The following MAP3K19 variants were observed in gnomAD, a reference collection of about 807,000 sequenced individuals.
MAP3K19 encodes the protein mitogen-activated protein kinase kinase kinase 19, also known as SPS1/STE20-related protein kinase YSK4.
In MAP3K19, 91 loss-of-function variants were observed where a neutral mutation model predicts 114.4. The ratio of observed to expected loss-of-function variants is 0.80; its 90% CI spans 0.67 to 0.95. The LOEUF is 0.95. Ranked by LOEUF, MAP3K19 falls within the 40% of genes least tolerant of loss-of-function variation. MAP3K19 has a pLI of 0.00. For missense variants in MAP3K19, 1,471 were observed against 1,573.2 expected, an observed-to-expected ratio of 0.94 and a Z score of 1.10; for synonymous variants, 518 against 530.5, an observed-to-expected ratio of 0.98 and a Z score of 0.32.
Position 135,002,058 on chromosome 2 carries a change from A to C in MAP3K19, c.236-2043T>G, listed in dbSNP as rs150848525. Among the ~76,000 whole-genome samples the C allele has an allele frequency of 5.7e-3, 867 of 152,334 alleles. 7 individuals carry two copies. The highest frequency in any genetic ancestry group is 0.02 in the African/African-American group (811 of 41,582). On this transcript the variant is annotated intron_variant, in intron 6 of 12. Transcript: ENST00000392915. ...GTGAGTTGCTGACGTTGCTGTGGAT[A>C]AGGCCTCTCAAGCTACCCAGTAGGC...
chr2:135,042,130 G>A (rs1688657428), intron 1 of MAP3K19, among the ~76,000 whole-genome samples: 1 of 152,206 alleles, frequency 6.6e-6, no homozygotes, highest in African/African-American at 2.4e-5. Context: ...GTGATTAAGT[G>A]TCCATGTAAA....
chr2:134,996,239 G>A (rs974584968), intron 8 of MAP3K19, among the ~76,000 whole-genome samples: 3 of 151,090 alleles, frequency 2.0e-5, no homozygotes, highest in African/African-American at 4.9e-5. Context: ...GGTTACAGGC[G>A]TGTGCCTGTG....
At chr2:135,042,523 A>G (rs1688666619) in intron 1 of MAP3K19, among the ~76,000 whole-genome samples, 1 of 151,766 alleles carries the variant, frequency 6.6e-6, no homozygotes, top group Non-Finnish European at 1.5e-5. Flanking sequence ...AAAAAAAGAA[A>G]AAAGAAAATT....
At chr2:135,040,025 C>A (rs978164407) in intron 2 of MAP3K19, among the ~76,000 whole-genome samples, 13 of 152,166 alleles carry the variant, frequency 8.5e-5, no homozygotes, top group African/African-American at 2.7e-4. Flanking sequence ...TAGAGCAAAG[C>A]ATAAATTTCC....
At chr2:134,992,959 G>A (rs1217279838) in intron 8 of MAP3K19, among the ~76,000 whole-genome samples, 1 of 152,164 alleles carries the variant, frequency 6.6e-6, no homozygotes, top group East Asian at 1.9e-4. Context: ...GATTACAGGT[G>A]TGAGCCACCG....
At chr2:135,010,199 G>A (rs1292020815) in intron 5 of MAP3K19, among the ~76,000 whole-genome samples, 1 of 151,950 alleles carries the variant, frequency 6.6e-6, no homozygotes, top group Non-Finnish European at 1.5e-5. Context: ...AATAAAAGAT[G>A]TGTGATCCCT....
In MAP3K19 at chr2:135,021,835, C is replaced by G. The variant is rs1443188642; in HGVS notation, c.23-5G>C. ...GCAATGACTCAGCATGTCTTTCTAT[C>G]AAAAGAAACATAATAGTATGTTTTG... is the stretch of plus-strand genomic sequence containing the variant. On this transcript the variant is annotated splice_region_variant and splice_polypyrimidine_tract_variant and intron_variant, in intron 4 of 12. Coordinates refer to ENST00000392915, the MANE Select transcript of MAP3K19 (RefSeq NM_025052.5). 1.3e-6 allele frequency: 2 copies of G among 1,532,304 alleles called. No individual in the cohort carries two copies. Among genetic ancestry groups the G allele is most frequent in the Non-Finnish European group, 1.8e-6 (2 of 1,113,562 alleles). The allele number at this position is 1,532,304 out of a possible 1,614,324, so 94.9% of individuals were successfully genotyped here. A position where few individuals can be genotyped will look rare whatever the true frequency, so the allele number is the denominator to read the frequency against.
intron 9 of MAP3K19, among the ~76,000 whole-genome samples, chr2:134,988,521 G>C (rs143719348): frequency 0.012 from 1,792 of 152,180 alleles, 14 homozygotes; most frequent in Admixed American, 0.017. Context: ...CTCCCAAGTA[G>C]CTGGGACTGC....
At chr2:134,984,860 G>A (rs893428483) in intron 10 of MAP3K19, among the ~76,000 whole-genome samples, 8 of 152,292 alleles carry the variant, frequency 5.3e-5, no homozygotes, top group South Asian at 2.1e-4. Context: ...GCTGAGGCAG[G>A]AGAATCGCTT....
At chr2:135,024,847 T>C in intron 3 of MAP3K19, 106 bp from the exon 4 acceptor site, 1 of 532,888 alleles carries the variant, frequency 1.9e-6, no homozygotes, top group Non-Finnish European at 3.3e-6. Flanking sequence ...AAAAGTAATC[T>C]TATGTAGTTT....
At chr2:134,978,447 C>G (rs929964170) in intron 12 of MAP3K19, among the ~76,000 whole-genome samples, 1 of 151,998 alleles carries the variant, frequency 6.6e-6, no homozygotes, top group Non-Finnish European at 1.5e-5. Flanking sequence ...GTGATCCCCC[C>G]ACCTCGGCCT....
chr2:134,969,203 C>T (rs1265617971), intron 12 of MAP3K19, among the ~76,000 whole-genome samples: 1 of 152,078 alleles, frequency 6.6e-6, no homozygotes, highest in East Asian at 1.9e-4. Flanking sequence ...AATACGAAAA[C>T]CAGTCAGGTG....
rs555878404 is a variant in MAP3K19 at position 135,011,363 on chromosome 2, C to A, written c.139-5832G>T. 6.6e-5 allele frequency among the ~76,000 whole-genome samples: 10 copies of A among 151,520 alleles called. No homozygotes were observed. In the South Asian group the frequency reaches 2.1e-3, roughly 32 times the overall value. The stretch of plus-strand genomic sequence containing the variant: ...CCATCCTGGCTAACACGGAGAAACC[C>A]CGTCTCTACTAAAAATACAAAAAAT... On this transcript the variant is annotated intron_variant, in intron 5 of 12. Transcript: ENST00000392915.
intron 1 of MAP3K19, among the ~76,000 whole-genome samples, chr2:135,042,965 C>T (rs1688675331): frequency 6.6e-6 from 1 of 151,996 alleles, no homozygotes; most frequent in African/African-American, 2.4e-5. Context: ...CACCTGTAAT[C>T]CCAGCTACTC....
At chr2:135,024,995 A>T (rs573847214) in intron 3 of MAP3K19, among the ~76,000 whole-genome samples, 1 of 152,302 alleles carries the variant, frequency 6.6e-6, no homozygotes, top group Admixed American at 6.5e-5. Flanking sequence ...AGAATTCCCA[A>T]CTTTGGACAA....
intron 1 of MAP3K19, among the ~76,000 whole-genome samples, chr2:135,042,269 G>C (rs1418483673): frequency 1.3e-5 from 2 of 152,108 alleles, no homozygotes; most frequent in Non-Finnish European, 2.9e-5. Flanking sequence ...TTGGGAGGCC[G>C]AGGCGGGCGG....
chr2:135,010,019 G>A (rs764205045), intron 5 of MAP3K19, among the ~76,000 whole-genome samples: 2 of 151,824 alleles, frequency 1.3e-5, no homozygotes, highest in Non-Finnish European at 2.9e-5. Flanking sequence ...TTTACACCCA[G>A]ACTGTGAAAT....
chr2:134,968,975 G>T (rs1258217081), intron 12 of MAP3K19, among the ~76,000 whole-genome samples: 1 of 152,186 alleles, frequency 6.6e-6, no homozygotes, highest in Non-Finnish European at 1.5e-5. Context: ...TGCAATCTGG[G>T]CATTTTGGGA....
intron 2 of MAP3K19, among the ~76,000 whole-genome samples, chr2:135,035,805 A>G (rs1427952353): frequency 6.6e-6 from 1 of 152,126 alleles, no homozygotes; most frequent in African/African-American, 2.4e-5. Context: ...TGCAAGATCA[A>G]GTCACCTTTC....
Sources: gnomAD v4.1 joint callset for allele counts (sites outside exome capture counted in the v4.1 genomes callset) on GRCh38, gnomAD v4.1.1 for gene constraint, MANE v1.5 for transcripts, NCBI Gene and HGNC (gene_info 2026-07-23, HGNC 2026-07-21) for gene names.